Variants in PEAK1 observed in about 807,000 individuals in gnomAD.
PEAK1 encodes inactive tyrosine-protein kinase PEAK1.
Under a neutral mutation model 124.7 loss-of-function variants are expected in PEAK1, and 54 were observed. The observed-to-expected ratio is 0.43, with a 90% CI of 0.35 to 0.54. The LOEUF is 0.54. Ranked by LOEUF, PEAK1 falls within the 20% of genes least tolerant of loss-of-function variation. The pLI, the probability that PEAK1 is intolerant of heterozygous loss-of-function variation, is 0.01. For missense variants in PEAK1, 2,046 were observed against 2,134.5 expected (o/e 0.96, Z 0.82); for synonymous variants, 719 against 760.0 (o/e 0.95, Z 0.89).
chr15:77,262,338 C>A (rs548070849), intron 5 of PEAK1, among the ~76,000 whole-genome samples: 411 of 152,152 alleles, frequency 2.7e-3, no homozygotes, highest in African/African-American at 9.7e-3. Context: ...AGTCAAGACC[C>A]ATCAGTGTGC....
intron 2 of PEAK1, among the ~76,000 whole-genome samples, chr15:77,321,497 T>C (rs2065215372): frequency 6.6e-6 from 1 of 152,242 alleles, no homozygotes; most frequent in South Asian, 2.1e-4. Context: ...GCCCACTTTT[T>C]GATGGAGATG....
intron 2 of PEAK1, among the ~76,000 whole-genome samples, chr15:77,341,552 A>C (rs965055432): frequency 6.6e-6 from 1 of 151,614 alleles, no homozygotes; most frequent in Non-Finnish European, 1.5e-5. Flanking sequence ...GTTTTTATTG[A>C]GGGGTTATTA....
chr15:77,150,808 C>T (rs1375475585), intron 8 of PEAK1, among the ~76,000 whole-genome samples: 2 of 151,980 alleles, frequency 1.3e-5, no homozygotes, highest in Non-Finnish European at 2.9e-5. Context: ...TGATGGTTTC[C>T]AATTTCATCC....
intron 6 of PEAK1, among the ~76,000 whole-genome samples, chr15:77,186,903 A>C (rs56935286): frequency 0.012 from 1,852 of 152,320 alleles, 40 homozygotes; most frequent in African/African-American, 0.043. Flanking sequence ...AGTGGCAATC[A>C]ATAACTAGCA....
chr15:77,352,186 G>T, intron 2 of PEAK1: 3 of 981,904 alleles, frequency 3.1e-6, no homozygotes, highest in Non-Finnish European at 3.6e-6. Context: ...CCTCCAGCCT[G>T]GGTGACAGAG....
At chr15:77,196,800 T>C (rs2058126132) in intron 6 of PEAK1, among the ~76,000 whole-genome samples, 1 of 152,202 alleles carries the variant, frequency 6.6e-6, no homozygotes, top group Non-Finnish European at 1.5e-5. Context: ...TGGTATACTT[T>C]AAAAATTAAA....
At chr15:77,401,833 T>G in intron 1 of PEAK1, 2 of 983,674 alleles carry the variant, frequency 2.0e-6, no homozygotes, top group Non-Finnish European at 2.4e-6. Flanking sequence ...AAGTAGCCAT[T>G]AGGTACATCT....
intron 9 of PEAK1, among the ~76,000 whole-genome samples, chr15:77,116,608 ATC>A (rs897359965): frequency 2.7e-4 from 41 of 151,776 alleles, no homozygotes; most frequent in Admixed American, 4.6e-4. Flanking sequence ...GGAGAAAAGC[ATC>A]TCTCTCTCTC....
chr15:77,347,355 T>C, intron 2 of PEAK1: 1 of 985,296 alleles, frequency 1.0e-6, no homozygotes, highest in Non-Finnish European at 1.2e-6. Flanking sequence ...AGTTGAGAAA[T>C]GCCACAGAGG....
intron 2 of PEAK1, among the ~76,000 whole-genome samples, chr15:77,297,481 T>C (rs958794615): frequency 1.3e-5 from 2 of 151,764 alleles, no homozygotes; most frequent in Non-Finnish European, 1.5e-5. Flanking sequence ...TCAATAGTAC[T>C]GGTCAAGCAG....
intron 8 of PEAK1, among the ~76,000 whole-genome samples, chr15:77,147,909 AGCTACTATCTACATGCG>A (rs1216441041): frequency 1.3e-5 from 2 of 152,270 alleles, no homozygotes; most frequent in Non-Finnish European, 2.9e-5. Context: ...CTAATGCAGT[AGCTACTATCTACATGCG>A]GCTACTAGGC....
At chr15:77,323,864 C>T (rs950459513) in intron 2 of PEAK1, among the ~76,000 whole-genome samples, 39 of 152,124 alleles carry the variant, frequency 2.6e-4, no homozygotes, top group South Asian at 1.0e-3. Flanking sequence ...GGAGGCATCA[C>T]GCTACCTGAC....
At position 77,133,846 on chromosome 15, in the gene PEAK1, A is replaced by C; in HGVS notation, c.3332-96T>G. ...TTGAGCAGAAATGAGTGAGGTAGCC[A>C]TGGGAATGTAAGAATAAGTCAACTC... On this transcript the variant is annotated intron_variant, in intron 8 of 9. Transcript: ENST00000682557. The surrounding 1 kb of genome is among the most constrained non-coding windows in gnomAD (Gnocchi z 4.2). 7 of 1,325,720 alleles carry C rather than the reference A, an allele frequency of 5.3e-6. No homozygotes were observed. Among genetic ancestry groups the C allele is most frequent in the South Asian group, 1.6e-5 (1 of 63,022 alleles). 82.1% of individuals were successfully genotyped at this position (1,325,720 alleles called of 1,614,324 possible).
Position 77,370,698 on chromosome 15 carries a change from T to G in PEAK1, c.-665-5473A>C, listed in dbSNP as rs1029020884. The G allele has an allele frequency of 1.2e-5, 12 of 984,938 alleles. No homozygotes were observed. The African/African-American group carries it at 1.4e-4, about 11-fold the overall frequency. The allele number at this position is 984,938 out of a possible 1,614,324, so 61.0% of individuals were successfully genotyped here. On this transcript the variant is annotated intron_variant, in intron 1 of 9. Coordinates refer to ENST00000682557, the MANE Select transcript of PEAK1 (RefSeq NM_001385026.1). ...TCAAAATTCAATGGAGACAGTCTAT[T>G]TCTGCATATGTCTTCAGATAACTTT...
Position 77,181,033 on chromosome 15 carries a change from G to A in PEAK1, c.894C>T (p.Asn298=), listed in dbSNP as rs776478693. Residue 298 remains asparagine, a synonymous_variant, in exon 7 of 10, where the codon AAC becomes AAT. Transcript: ENST00000682557. ...CAGCACAGATTCTCTGCAGAGACTTGTTTCGCAGGGGGATGGTATTCCATT... is the reference window on the plus strand; with the variant it reads ...CAGCACAGATTCTCTGCAGAGACTTATTTCGCAGGGGGATGGTATTCCATT... ...DKKWNTIPLR[N]KSLQRICAVD... The A allele has an allele frequency of 6.2e-7, 1 of 1,614,206 alleles. No individual in the cohort carries two copies.
chr15:77,228,905 C>A (rs1305039939), intron 6 of PEAK1, among the ~76,000 whole-genome samples: 1 of 152,128 alleles, frequency 6.6e-6, no homozygotes, highest in African/African-American at 2.4e-5. Context: ...ATTTGACAGT[C>A]TGAACAGCAT....
chr15:77,154,008 G>A (rs1429587958), intron 8 of PEAK1, among the ~76,000 whole-genome samples: 7 of 152,126 alleles, frequency 4.6e-5, no homozygotes. Flanking sequence ...GGTCCACTTG[G>A]TGCAGAGCTG....
chr15:77,257,292 G>C (rs1405869525), intron 5 of PEAK1, among the ~76,000 whole-genome samples: 1 of 151,214 alleles, frequency 6.6e-6, no homozygotes, highest in Non-Finnish European at 1.5e-5. Context: ...GAGCCCTGAG[G>C]AATCGCCACA....
intron 6 of PEAK1, among the ~76,000 whole-genome samples, chr15:77,235,588 T>G (rs2060084782): frequency 6.6e-6 from 1 of 152,174 alleles, no homozygotes. Context: ...ATTTGCAGCC[T>G]GAAATGTAAT....
Sources: gnomAD v4.1 joint callset for allele counts (sites outside exome capture counted in the v4.1 genomes callset) on GRCh38, gnomAD v4.1.1 for gene constraint, Gnocchi (gnomAD v3.1) non-coding constraint, MANE v1.5 for transcripts, NCBI Gene and HGNC (gene_info 2026-07-23, HGNC 2026-07-21) for gene names.